Variants in PPARG observed in about 807,000 individuals in gnomAD.
PPARG encodes the protein peroxisome proliferator-activated receptor gamma.
In PPARG, 17 loss-of-function variants were observed where a neutral mutation model predicts 39.2. The ratio of observed to expected loss-of-function variants is 0.43; its 90% CI spans 0.30 to 0.65. The LOEUF (loss-of-function observed/expected upper bound fraction) is 0.65, where lower values mean the gene tolerates loss of function less well. Ranked by LOEUF, PPARG falls within the 30% of genes least tolerant of loss-of-function variation. The pLI is 0.13. For missense variants in PPARG, 406 were observed against 585.9 expected (o/e 0.69, Z 3.17); for synonymous variants, 223 against 215.7 (o/e 1.03, Z -0.30).
At chr3:12,308,172 C>T (rs928096611) in intron 1 of PPARG, among the ~76,000 whole-genome samples, 4 of 151,542 alleles carry the variant, frequency 2.6e-5, no homozygotes, top group Non-Finnish European at 5.9e-5. Flanking sequence ...AAGGAGATCT[C>T]GCCTCTACAA....
intron 7 of PPARG, among the ~76,000 whole-genome samples, chr3:12,432,518 A>G (rs79926415): frequency 0.016 from 2,491 of 152,360 alleles, 70 homozygotes; most frequent in African/African-American, 0.054. Flanking sequence ...TCCATAATCT[A>G]TAGCAAACAT....
At chr3:12,390,708 A>T (rs1353869644) in intron 4 of PPARG, among the ~76,000 whole-genome samples, 1 of 144,086 alleles carries the variant, frequency 6.9e-6, no homozygotes, top group East Asian at 2.1e-4. Flanking sequence ...TGGTGCAATC[A>T]TAACTTGGCT....
chr3:12,318,201 T>A (rs1172920222), intron 2 of PPARG, among the ~76,000 whole-genome samples: 1 of 152,190 alleles, frequency 6.6e-6, no homozygotes, highest in Non-Finnish European at 1.5e-5. Context: ...CTCAAACGTC[T>A]GGCCTCAAGC....
chr3:12,306,648 T>C (rs1559486646), intron 1 of PPARG, among the ~76,000 whole-genome samples: 1 of 152,188 alleles, frequency 6.6e-6, no homozygotes, highest in Non-Finnish European at 1.5e-5. Context: ...CATGTAACAG[T>C]GGATTAAATT....
intron 2 of PPARG, among the ~76,000 whole-genome samples, chr3:12,363,794 CA>C (rs2048928863): frequency 6.6e-6 from 1 of 152,188 alleles, no homozygotes; most frequent in African/African-American, 2.4e-5. Context: ...ACTGCAAAGC[CA>C]AAACCAAAAC....
At chr3:12,356,352 A>G (rs1393172020) in intron 2 of PPARG, among the ~76,000 whole-genome samples, 1 of 152,210 alleles carries the variant, frequency 6.6e-6, no homozygotes, top group East Asian at 1.9e-4. Flanking sequence ...CCTCAGAATC[A>G]AGATCACGTG....
intron 5 of PPARG, among the ~76,000 whole-genome samples, chr3:12,402,288 G>A (rs1223926516): frequency 6.6e-6 from 1 of 152,076 alleles, no homozygotes; most frequent in African/African-American, 2.4e-5. Flanking sequence ...TAGGATAACT[G>A]GTTTTCTCTG....
intron 1 of PPARG, among the ~76,000 whole-genome samples, chr3:12,302,768 G>A (rs1308305949): frequency 2.6e-5 from 4 of 152,078 alleles, no homozygotes; most frequent in Non-Finnish European, 4.4e-5. Flanking sequence ...TCTCAGGAGC[G>A]GGGAGATTCC....
At chr3:12,323,207 G>A (rs2047596103) in intron 2 of PPARG, among the ~76,000 whole-genome samples, 1 of 152,192 alleles carries the variant, frequency 6.6e-6, no homozygotes, top group Non-Finnish European at 1.5e-5. Context: ...ATAGAGAAAT[G>A]GAGGTATTAA....
intron 7 of PPARG, among the ~76,000 whole-genome samples, chr3:12,428,026 A>G (rs2051516466): frequency 6.6e-6 from 1 of 152,166 alleles, no homozygotes; most frequent in Non-Finnish European, 1.5e-5. Context: ...TAGAATAGAG[A>G]CAAAACCACC....
chr3:12,292,414 G>A (rs2124923665), intron 1 of PPARG, among the ~76,000 whole-genome samples: 1 of 152,188 alleles, frequency 6.6e-6, no homozygotes, highest in African/African-American at 2.4e-5. Context: ...ATGAGGCCTA[G>A]GATCCATCAG....
chr3:12,322,828 G>T (rs760288691), intron 2 of PPARG, among the ~76,000 whole-genome samples: 3 of 152,054 alleles, frequency 2.0e-5, no homozygotes, highest in African/African-American at 7.2e-5. Context: ...TTCAGACAGG[G>T]TCTCACTCTG....
intron 2 of PPARG, among the ~76,000 whole-genome samples, chr3:12,329,089 A>G (rs2047777205): frequency 1.3e-5 from 2 of 151,450 alleles, no homozygotes; most frequent in Admixed American, 6.6e-5. Context: ...GTTGCAAGCC[A>G]GTTGTTAAAC....
intron 3 of PPARG, 63 bp from the exon 4 acceptor site, chr3:12,381,259 C>T (rs570632298): frequency 1.3e-6 from 2 of 1,515,762 alleles, no homozygotes; most frequent in Admixed American, 3.6e-5. Flanking sequence ...GGTGGCTTGC[C>T]CTGTTGCCTT....
intron 5 of PPARG, among the ~76,000 whole-genome samples, chr3:12,398,121 C>T (rs2050333350): frequency 6.6e-6 from 1 of 150,866 alleles, no homozygotes; most frequent in Non-Finnish European, 1.5e-5. Flanking sequence ...TGTGATATCA[C>T]ATTCTGCCTT....
rs532494254 is a variant in PPARG, at chr3:12,293,082, T to C, written c.-83+3948T>C. On this transcript the variant is annotated intron_variant, in intron 1 of 7. Coordinates refer to ENST00000651735, the MANE Select transcript of PPARG (RefSeq NM_138711.6). Reference sequence around the variant, plus strand: ...GTAGGCTTTCTCAGAGTCATTGCCATACCTTCAACTGTTCCAGTGGCCAGG... The same window carrying C: ...GTAGGCTTTCTCAGAGTCATTGCCACACCTTCAACTGTTCCAGTGGCCAGG... Among the ~76,000 whole-genome samples the C allele has an allele frequency of 2.5e-3, 375 of 152,338 alleles. 2 individuals carry two copies. The highest frequency in any genetic ancestry group is 8.1e-3 in the African/African-American group (338 of 41,568).
At chr3:12,298,577 T>G (rs2046853202) in intron 1 of PPARG, among the ~76,000 whole-genome samples, 2 of 152,304 alleles carry the variant, frequency 1.3e-5, no homozygotes, top group Admixed American at 1.3e-4. Context: ...GTGAAACTTG[T>G]GGCATGTCCT....
chr3:12,357,655 C>T (rs1415902868), intron 2 of PPARG, among the ~76,000 whole-genome samples: 8 of 152,162 alleles, frequency 5.3e-5, no homozygotes, highest in African/African-American at 1.7e-4. Context: ...GAATGTTAAC[C>T]GCATGAAGGC....
chr3:12,419,532 G>A (rs867753224), intron 7 of PPARG, among the ~76,000 whole-genome samples: 40 of 150,994 alleles, frequency 2.6e-4, no homozygotes, highest in Middle Eastern at 6.8e-3. Context: ...GTGCGATCTC[G>A]GCTCACTACA....
Sources: allele counts gnomAD v4.1 joint callset (sites outside exome capture counted in the v4.1 genomes callset), GRCh38; gene constraint gnomAD v4.1.1; transcripts MANE v1.5; gene names NCBI Gene and HGNC (gene_info 2026-07-23, HGNC 2026-07-21).